CHD6: variants seen among roughly 807,000 people sequenced by gnomAD.
CHD6 encodes the protein ATP-dependent chromatin remodeler CHD6.
Under a neutral mutation model 276.9 loss-of-function variants are expected in CHD6, and 50 were observed. The ratio of observed to expected loss-of-function variants is 0.18; its 90% CI spans 0.14 to 0.23. The LOEUF (loss-of-function observed/expected upper bound fraction) is 0.23, where lower values mean the gene tolerates loss of function less well. CHD6 is among the 10% of genes least tolerant of loss of function. The pLI is 1.00. For synonymous variants in CHD6, 1,173 were observed against 1,229.3 expected (o/e 0.95, Z 0.96); for missense variants, 2,564 against 3,365.8 (o/e 0.76, Z 5.89).
At chr20:41,494,087 C>T (rs1028579192) in intron 8 of CHD6, 143 bp from the exon 9 acceptor site, 6 of 601,896 alleles carry the variant, frequency 1.0e-5, no homozygotes, top group East Asian at 2.8e-5. Context: ...ATAAAAGTCA[C>T]GGCATTTATT....
At chr20:41,434,661 C>T (rs965702072) in intron 27 of CHD6, among the ~76,000 whole-genome samples, 13 of 152,124 alleles carry the variant, frequency 8.5e-5, no homozygotes, top group South Asian at 2.1e-4. Context: ...TGAGTCACCG[C>T]GCCTGGCAAG....
intron 1 of CHD6, among the ~76,000 whole-genome samples, chr20:41,566,934 A>T (rs2045361658): frequency 6.6e-6 from 1 of 152,182 alleles, no homozygotes; most frequent in Non-Finnish European, 1.5e-5. Context: ...CATCATGAAC[A>T]AGAGGGCCCA....
chr20:41,599,519 A>G (rs1007141466), intron 1 of CHD6, among the ~76,000 whole-genome samples: 3 of 152,122 alleles, frequency 2.0e-5, no homozygotes, highest in African/African-American at 7.2e-5. Context: ...GATCAGGGCA[A>G]AGGCTTATAA....
chr20:41,569,164 T>C (rs949009843), intron 1 of CHD6, among the ~76,000 whole-genome samples: 1 of 152,158 alleles, frequency 6.6e-6, no homozygotes, highest in Non-Finnish European at 1.5e-5. Context: ...ATGAGGCAGG[T>C]GGCTAGCAAT....
Position 41,558,299 on chromosome 20 carries a change from T to G in CHD6, c.-23-6939A>C, listed in dbSNP as rs147713223. Among the ~76,000 whole-genome samples, 142 of 152,262 alleles carry G rather than the reference T, an allele frequency of 9.3e-4. 1 individual carries two copies. Among genetic ancestry groups the G allele is most frequent in the South Asian group, 8.5e-3 (41 of 4,828 alleles). ...TGGGCTGTAATGACGACGAGACATG[T>G]GAATGTCTTCTCCCCTGTAAAATGC... On this transcript the variant is annotated intron_variant, in intron 1 of 36. Transcript: ENST00000373233.
At chr20:41,432,512 G>A (rs1255624428) in intron 27 of CHD6, among the ~76,000 whole-genome samples, 1 of 152,138 alleles carries the variant, frequency 6.6e-6, no homozygotes, top group African/African-American at 2.4e-5. Context: ...TCAAAGTAAT[G>A]AGAAACATCC....
At chr20:41,546,740 T>A (rs1311558689) in intron 2 of CHD6, among the ~76,000 whole-genome samples, 1 of 152,232 alleles carries the variant, frequency 6.6e-6, no homozygotes, top group East Asian at 1.9e-4. Flanking sequence ...TGCTTAGTCA[T>A]CTTAAGAATT....
intron 2 of CHD6, among the ~76,000 whole-genome samples, chr20:41,540,800 A>C (rs948291076): frequency 2.0e-5 from 3 of 152,306 alleles, no homozygotes; most frequent in Admixed American, 6.5e-5. Context: ...CGAGTAGAAA[A>C]GCTCATCAAA....
intron 1 of CHD6, among the ~76,000 whole-genome samples, chr20:41,562,326 A>C (rs1253522654): frequency 6.6e-6 from 1 of 152,152 alleles, no homozygotes; most frequent in Non-Finnish European, 1.5e-5. Context: ...TTTTCTTTCA[A>C]AGATGACCCT....
In CHD6 at chr20:41,578,170, C is replaced by T. The variant is rs1012541791; in HGVS notation, c.-23-26810G>A. Reference sequence around the variant, plus strand: ...TTGAAGGAGCAAGCCCCCCACGCCCCCAATGTAGCCAGAAACCACAAATGC... The same window carrying T: ...TTGAAGGAGCAAGCCCCCCACGCCCTCAATGTAGCCAGAAACCACAAATGC... On this transcript the variant is annotated intron_variant, in intron 1 of 36. Transcript: ENST00000373233. 3.9e-5 allele frequency among the ~76,000 whole-genome samples: 6 copies of T among 152,028 alleles called. No individual in the cohort carries two copies. In the East Asian group the frequency reaches 9.6e-4, roughly 24 times the overall value.
chr20:41,469,775 G>C (rs965826983), intron 17 of CHD6, among the ~76,000 whole-genome samples: 13 of 152,180 alleles, frequency 8.5e-5, no homozygotes, highest in African/African-American at 2.9e-4. Flanking sequence ...CTCTAGATAA[G>C]ATCTCCCCAT....
intron 1 of CHD6, among the ~76,000 whole-genome samples, chr20:41,599,238 A>C (rs2045749428): frequency 6.6e-6 from 1 of 152,182 alleles, no homozygotes; most frequent in Non-Finnish European, 1.5e-5. Flanking sequence ...ATTAGCCAAG[A>C]AAGGTGGGAG....
rs767489050 is a variant in CHD6 at position 41,405,414 on chromosome 20, C to A, written c.7327G>T (p.Gly2443Trp). Reference sequence around the variant, plus strand: ...AGGAGTTCGCTCCGAGGCCGCCTCCCCCTCCTGCGGGGGCCCGTATCTCGA... The same window carrying A: ...AGGAGTTCGCTCCGAGGCCGCCTCCACCTCCTGCGGGGGCCCGTATCTCGA... ...ILRDTGPRRR[G>W]RRPRSELLKA... is the part of the protein sequence containing the mutation. The change falls in exon 37 of 37, where the codon GGG (glycine) becomes TGG (tryptophan). Residue 2443 changes from glycine to tryptophan, a missense_variant. By Grantham distance (184) the Gly-to-Trp change is radical. Transcript: ENST00000373233. The A allele has an allele frequency of 6.2e-7, 1 of 1,612,840 alleles. No homozygotes were observed. Among genetic ancestry groups the A allele is most frequent in the Admixed American group, 1.7e-5 (1 of 59,980 alleles).
At chr20:41,546,497 C>A (rs1459473658) in intron 2 of CHD6, among the ~76,000 whole-genome samples, 1 of 152,184 alleles carries the variant, frequency 6.6e-6, no homozygotes, top group African/African-American at 2.4e-5. Context: ...TGCCTGCAGA[C>A]CATATTATAC....
chr20:41,468,230 C>T (rs796870734), intron 17 of CHD6, among the ~76,000 whole-genome samples: 1 of 152,080 alleles, frequency 6.6e-6, no homozygotes, highest in African/African-American at 2.4e-5. Flanking sequence ...CTGCCTCAGC[C>T]TCCCAAGTAG....
intron 36 of CHD6, among the ~76,000 whole-genome samples, 186 bp downstream of exon 36, chr20:41,411,958 G>C (rs1425610756): frequency 6.6e-6 from 1 of 152,224 alleles, no homozygotes; most frequent in African/African-American, 2.4e-5. Context: ...GGGAGTCACA[G>C]AGCGCTCAAA....
At chr20:41,568,999 C>T (rs2045388093) in intron 1 of CHD6, among the ~76,000 whole-genome samples, 1 of 152,176 alleles carries the variant, frequency 6.6e-6, no homozygotes, top group Non-Finnish European at 1.5e-5. Context: ...ACTTCCAATT[C>T]CTCCTTCCTA....
At chr20:41,412,655 C>T (rs577599383) in intron 35 of CHD6, among the ~76,000 whole-genome samples, 1 of 152,362 alleles carries the variant, frequency 6.6e-6, no homozygotes, top group East Asian at 1.9e-4. Flanking sequence ...GTGTTCTCCT[C>T]TTCCTGTGCG....
chr20:41,507,227 G>A (rs2043997847), intron 5 of CHD6, among the ~76,000 whole-genome samples: 1 of 152,136 alleles, frequency 6.6e-6, no homozygotes, highest in Admixed American at 6.5e-5. Flanking sequence ...ATAGGATTTT[G>A]ATTACAATTC....
Sources: gnomAD v4.1 joint callset for allele counts (sites outside exome capture counted in the v4.1 genomes callset) on GRCh38, gnomAD v4.1.1 for gene constraint, MANE v1.5 for transcripts, NCBI Gene and HGNC (gene_info 2026-07-23, HGNC 2026-07-21) for gene names.